The following NFXL1 variants were observed in gnomAD, a reference collection of about 807,000 sequenced individuals.
The protein encoded by NFXL1 is nuclear transcription factor, X-box binding like 1.
In NFXL1, 66 loss-of-function variants were observed where a neutral mutation model predicts 123.3. That is an observed-to-expected ratio of 0.54 (90% CI 0.44 to 0.66). The LOEUF (loss-of-function observed/expected upper bound fraction) is 0.66, where lower values mean the gene tolerates loss of function less well. Ranked by LOEUF, NFXL1 falls within the 30% of genes least tolerant of loss-of-function variation. The pLI, the probability that NFXL1 is intolerant of heterozygous loss-of-function variation, is 0.00. For missense variants in NFXL1, 944 were observed against 1,125.6 expected (o/e 0.84, Z 2.31); for synonymous variants, 346 against 360.8 (o/e 0.96, Z 0.46).
At chr4:47,888,002 G>A (rs1465624175) in intron 12 of NFXL1, among the ~76,000 whole-genome samples, 2 of 152,018 alleles carry the variant, frequency 1.3e-5, no homozygotes, top group African/African-American at 2.4e-5. Flanking sequence ...TCGGCTGGGC[G>A]CTGTGGCTCA....
chr4:47,865,020 G>T (rs1734968235), intron 18 of NFXL1, among the ~76,000 whole-genome samples: 1 of 152,074 alleles, frequency 6.6e-6, no homozygotes, highest in Non-Finnish European at 1.5e-5. Context: ...CAACCTACAG[G>T]ATCTGACACT....
intron 5 of NFXL1, among the ~76,000 whole-genome samples, chr4:47,901,335 G>A (rs1404295071): frequency 3.3e-5 from 5 of 152,152 alleles, no homozygotes; most frequent in Non-Finnish European, 7.4e-5. Flanking sequence ...GGAATGCAAA[G>A]TATATGGCAC....
At chr4:47,895,858 T>G (rs1331719302) in intron 10 of NFXL1, among the ~76,000 whole-genome samples, 1 of 152,204 alleles carries the variant, frequency 6.6e-6, no homozygotes, top group Admixed American at 6.5e-5. Context: ...CAACTTGCCT[T>G]CCTCACTAGC....
chr4:47,868,438 G>C (rs1304859206), intron 18 of NFXL1, among the ~76,000 whole-genome samples: 3 of 106,106 alleles, frequency 2.8e-5, no homozygotes, highest in African/African-American at 1.0e-4. Flanking sequence ...AGAAGAGAAG[G>C]AGAGAAAAAA....
At chr4:47,896,420 G>T in intron 10 of NFXL1, 103 bp downstream of exon 10, 1 of 850,682 alleles carries the variant, frequency 1.2e-6, no homozygotes. Context: ...TCATGACACA[G>T]ATGTATATGA....
intron 18 of NFXL1, among the ~76,000 whole-genome samples, chr4:47,871,039 T>C (rs1735396679): frequency 1.3e-5 from 2 of 152,150 alleles, no homozygotes; most frequent in African/African-American, 2.4e-5. Flanking sequence ...TTAATAAATG[T>C]AGAAGATGGA....
chr4:47,898,962 C>G lies in NFXL1; in HGVS notation c.985G>C (p.Ala329Pro). 1 of 1,613,926 alleles carries G rather than the reference C, an allele frequency of 6.2e-7. No individual in the cohort carries two copies. The highest frequency in any genetic ancestry group is 8.5e-7 in the Non-Finnish European group (1 of 1,179,940). ...TCTAATGGGTATGGCCTTTTACCTG[C>G]ATGACAAGGATTTTCACACTTATGT... is the stretch of plus-strand genomic sequence containing the variant. Reference protein sequence around the residue: ...GQHKCENPCHAGSCQPCPRVS... With the variant: ...GQHKCENPCHPGSCQPCPRVS... Residue 329 changes from alanine (A) to proline (P), a missense_variant, in exon 7 of 23, where the codon GCA becomes CCA. Ala to Pro is a conservative substitution (Grantham distance 27, BLOSUM62 -1). This residue lies in a region of NFXL1 where 296 missense variants were observed against 395.1 expected (regional missense o/e 0.75). Coordinates refer to ENST00000507489, the MANE Select transcript of NFXL1 (RefSeq NM_001278624.2).
chr4:47,874,438 A>G (rs767439559), intron 18 of NFXL1, among the ~76,000 whole-genome samples: 19 of 152,206 alleles, frequency 1.2e-4, no homozygotes, highest in Admixed American at 2.6e-4. Flanking sequence ...AGTAGGCGCA[A>G]GAAGAGGTAG....
At chr4:47,899,986 T>C (rs762954636) in intron 5 of NFXL1, among the ~76,000 whole-genome samples, 2 of 152,242 alleles carry the variant, frequency 1.3e-5, no homozygotes, top group African/African-American at 4.8e-5. Flanking sequence ...CTGAACTTTA[T>C]TGAGGAATTC....
rs545352375 is a variant in NFXL1 at position 47,885,491 on chromosome 4, C to G, written c.1824+7G>C. On this transcript the variant is annotated splice_region_variant and intron_variant, in intron 14 of 22. Transcript: ENST00000507489. ...GCACTATTTCTCTAATAGTATTATTCCCTTACCCTGCCAGTCTGCTTTATT... is the reference window on the plus strand; with the variant it reads ...GCACTATTTCTCTAATAGTATTATTGCCTTACCCTGCCAGTCTGCTTTATT... 6.2e-6 allele frequency: 10 copies of G among 1,606,320 alleles called. No individual in the cohort carries two copies. The African/African-American group carries it at 1.2e-4, about 19-fold the overall frequency.
intron 22 of NFXL1, among the ~76,000 whole-genome samples, chr4:47,849,389 G>A (rs1733991489): frequency 6.6e-6 from 1 of 152,026 alleles, no homozygotes; most frequent in Admixed American, 6.6e-5. Context: ...TAGTGCATAG[G>A]TAATTAAGAC....
chr4:47,872,478 GAA>G (rs76058056), intron 18 of NFXL1, among the ~76,000 whole-genome samples: 1 of 132,136 alleles, frequency 7.6e-6, no homozygotes, highest in African/African-American at 2.8e-5. Flanking sequence ...AAAAAAAAAA[GAA>G]AAAAAAAATT....
chr4:47,863,628 G>T (rs1049918462), intron 18 of NFXL1, among the ~76,000 whole-genome samples: 2 of 152,168 alleles, frequency 1.3e-5, no homozygotes, highest in Admixed American at 6.5e-5. Context: ...GTTGCAGTGA[G>T]TCAAGATCAT....
At chr4:47,898,267 A>T (rs1438798495) in intron 8 of NFXL1, among the ~76,000 whole-genome samples, 186 bp from the exon 9 acceptor site, 1 of 152,202 alleles carries the variant, frequency 6.6e-6, no homozygotes, top group African/African-American at 2.4e-5. Flanking sequence ...ACATATGTAT[A>T]CACACACATA....
At chr4:47,895,418 T>C (rs750646176) in intron 10 of NFXL1, among the ~76,000 whole-genome samples, 2 of 152,236 alleles carry the variant, frequency 1.3e-5, no homozygotes, top group African/African-American at 4.8e-5. Context: ...TGAAAATCTT[T>C]TGTTCAATAT....
chr4:47,910,748 A>C (rs1737790995), intron 3 of NFXL1, 76 bp downstream of exon 3: 1 of 870,666 alleles, frequency 1.1e-6, no homozygotes, highest in Non-Finnish European at 1.8e-6. Flanking sequence ...TTCCATATAG[A>C]ACAAAGGCAT....
chr4:47,857,714 C>T (rs1362310800), intron 19 of NFXL1, among the ~76,000 whole-genome samples: 1 of 152,158 alleles, frequency 6.6e-6, no homozygotes, highest in African/African-American at 2.4e-5. Context: ...CCCCCAGTAG[C>T]CACAGCCATG....
chr4:47,886,099 C>T, intron 12 of NFXL1, 100 bp from the exon 13 acceptor site: 1 of 1,025,946 alleles, frequency 9.7e-7, no homozygotes, highest in Middle Eastern at 2.3e-4. Context: ...ATGGGATACT[C>T]TACAACAAGA....
chr4:47,865,840 C>G (rs570971027), intron 18 of NFXL1, among the ~76,000 whole-genome samples: 1 of 152,074 alleles, frequency 6.6e-6, no homozygotes, highest in South Asian at 2.1e-4. Flanking sequence ...CATGGCAAAA[C>G]CCCGTCTCTA....
Sources: gnomAD v4.1 joint callset for allele counts (sites outside exome capture counted in the v4.1 genomes callset) on GRCh38, gnomAD v4.1.1 for gene constraint, gnomAD v4.1.1 regional missense constraint, MANE v1.5 for transcripts, NCBI Gene and HGNC (gene_info 2026-07-23, HGNC 2026-07-21) for gene names.